MED13L: variants seen among roughly 807,000 people sequenced by gnomAD.
MED13L encodes the protein mediator complex subunit 13L.
Under a neutral mutation model 220.9 loss-of-function variants are expected in MED13L, and 7 were observed. The ratio of observed to expected loss-of-function variants is 0.03; its 90% CI spans 0.02 to 0.06. MED13L has a LOEUF of 0.06. MED13L is among the 10% of genes least tolerant of loss of function. The probability of loss-of-function intolerance (pLI) is 1.00; values close to 1 mark genes in which losing one functional copy is unlikely to be tolerated. For synonymous variants in MED13L, 1,011 were observed against 1,015.2 expected (o/e 1.00, Z 0.08); for missense variants, 1,965 against 2,760.5 (o/e 0.71, Z 6.46).
intron 1 of MED13L, among the ~76,000 whole-genome samples, chr12:116,250,546 C>G (rs1196020187): frequency 1.3e-5 from 2 of 149,616 alleles, no homozygotes; most frequent in Non-Finnish European, 3.0e-5. Context: ...GGTGGATCAC[C>G]TGAGGTCAGG....
chr12:116,129,275 A>T (rs546503266), intron 2 of MED13L, among the ~76,000 whole-genome samples: 2 of 152,324 alleles, frequency 1.3e-5, no homozygotes, highest in African/African-American at 4.8e-5. Context: ...ATTACTAAAA[A>T]TCCCATTTTC....
chr12:116,106,739 G>C (rs1018237389), intron 3 of MED13L, among the ~76,000 whole-genome samples: 1 of 151,904 alleles, frequency 6.6e-6, no homozygotes, highest in Non-Finnish European at 1.5e-5. Context: ...CCAGCTACTG[G>C]GGAGGCTGAG....
intron 4 of MED13L, among the ~76,000 whole-genome samples, chr12:116,075,847 A>G (rs541640823): frequency 7.2e-5 from 11 of 152,212 alleles, no homozygotes; most frequent in East Asian, 3.9e-4. Context: ...GTGTTTCTCA[A>G]TTGCAGTTGT....
rs529077016 is a variant in MED13L at position 116,166,128 on chromosome 12, C to G, written c.311-54616G>C. On this transcript the variant is annotated intron_variant, in intron 2 of 30. Coordinates refer to ENST00000281928, the MANE Select transcript of MED13L (RefSeq NM_015335.5). ...CCTGTAATTCCAGCACCTTGGGAAG[C>G]TGAGGCAGGAGAATCACTTGAGGCC... Among the ~76,000 whole-genome samples the G allele has an allele frequency of 9.5e-4, 144 of 152,338 alleles. 3 individuals are homozygous for G. In the Middle Eastern group the frequency reaches 0.01, roughly 11 times the overall value.
At chr12:116,028,238 T>C (rs1273889644) in intron 4 of MED13L, among the ~76,000 whole-genome samples, 1 of 152,240 alleles carries the variant, frequency 6.6e-6, no homozygotes, top group South Asian at 2.1e-4. Context: ...AGGGGTTCTA[T>C]GAATACAATT....
chr12:116,039,957 G>C (rs1881425247), intron 4 of MED13L, among the ~76,000 whole-genome samples: 1 of 152,160 alleles, frequency 6.6e-6, no homozygotes, highest in South Asian at 2.1e-4. Context: ...CTAGGTGTGA[G>C]TGTGAGAGAC....
At chr12:116,065,991 C>A (rs1869889135) in intron 4 of MED13L, among the ~76,000 whole-genome samples, 1 of 152,164 alleles carries the variant, frequency 6.6e-6, no homozygotes, top group Non-Finnish European at 1.5e-5. Flanking sequence ...TATACAAGCA[C>A]ATAACTGCAG....
intron 2 of MED13L, among the ~76,000 whole-genome samples, chr12:116,123,528 C>T (rs866155469): frequency 1.3e-5 from 2 of 152,212 alleles, no homozygotes; most frequent in African/African-American, 4.8e-5. Context: ...ATATTTCCTT[C>T]CACTCTTCAG....
intron 4 of MED13L, among the ~76,000 whole-genome samples, chr12:116,024,782 G>GC (rs1168575467): frequency 2.0e-5 from 2 of 100,230 alleles, no homozygotes; most frequent in East Asian, 3.8e-4. Flanking sequence ...GCGGGGGGGG[G>GC]GGGGAGGTGA....
chr12:116,173,707 C>A (rs912385071), intron 2 of MED13L, among the ~76,000 whole-genome samples: 2 of 152,000 alleles, frequency 1.3e-5, no homozygotes, highest in African/African-American at 4.8e-5. Context: ...ACATAAGTTG[C>A]CTTAATTTAT....
intron 2 of MED13L, chr12:116,236,876 C>T (rs75755751): frequency 9.1e-6 from 9 of 984,878 alleles, no homozygotes; most frequent in African/African-American, 1.7e-5. Context: ...CAGGCAACAC[C>T]GGAGCCAATG....
At chr12:115,984,811 GA>G (rs1438141365) in intron 19 of MED13L, among the ~76,000 whole-genome samples, 1 of 151,314 alleles carries the variant, frequency 6.6e-6, no homozygotes, top group Admixed American at 6.6e-5. Flanking sequence ...TTCTGTTACA[GA>G]CATTTGGAGA....
intron 2 of MED13L, among the ~76,000 whole-genome samples, chr12:116,215,541 C>G (rs902243824): frequency 1.3e-5 from 2 of 152,116 alleles, no homozygotes; most frequent in Non-Finnish European, 2.9e-5. Flanking sequence ...ATACAAAAAC[C>G]TAAAGTGCTG....
chr12:116,032,228 T>C lies in MED13L; in HGVS notation c.480-9627A>G, dbSNP rs73198013. 5.7e-3 allele frequency among the ~76,000 whole-genome samples: 864 copies of C among 152,322 alleles called. 7 individuals are homozygous for C. The highest frequency in any genetic ancestry group is 6.5e-3 in the Non-Finnish European group (441 of 68,026). ...ATGATCTAAAAATTCCATGTAATTC[T>C]AATCAATAGCCCAAGTTTTTGACAA... On this transcript the variant is annotated intron_variant, in intron 4 of 30. Coordinates refer to ENST00000281928, the MANE Select transcript of MED13L (RefSeq NM_015335.5).
intron 19 of MED13L, among the ~76,000 whole-genome samples, chr12:115,985,977 T>C (rs1405903210): frequency 1.3e-5 from 2 of 152,218 alleles, no homozygotes; most frequent in Non-Finnish European, 2.9e-5. Context: ...TGGTGAGCAA[T>C]ATTCTTCAAC....
At chr12:116,014,874 C>A (rs530104346) in intron 8 of MED13L, among the ~76,000 whole-genome samples, 1 of 152,186 alleles carries the variant, frequency 6.6e-6, no homozygotes. Flanking sequence ...CCATGCCAAT[C>A]TGTACAGTAT....
rs374839219 is a variant in MED13L at position 115,991,576 on chromosome 12, T to C, written c.3378A>G (p.Arg1126=). 1.9e-6 allele frequency: 3 copies of C among 1,614,056 alleles called. No individual in the cohort carries two copies. The African/African-American group carries it at 4.0e-5, about 22-fold the overall frequency. The change falls in exon 17 of 31, where the codon AGA becomes AGG. Residue 1126 remains arginine (R), a synonymous_variant. Coordinates refer to ENST00000281928, the MANE Select transcript of MED13L (RefSeq NM_015335.5). This position sits in a 1 kb window ranked among gnomAD's most constrained non-coding sequence, Gnocchi z 7.7. ...CACAGATGCAACAGCTGTCAAAGTT[T>C]CTGTCTTTAAAGATATTCATCACGG... ...SDSVMNIFKD[R]NFDSCCICAC... is the part of the protein sequence containing the mutation.
At chr12:116,065,714 A>G (rs1026438173) in intron 4 of MED13L, among the ~76,000 whole-genome samples, 1 of 152,326 alleles carries the variant, frequency 6.6e-6, no homozygotes, top group South Asian at 2.1e-4. Flanking sequence ...GGAAAAGTCA[A>G]AGAAGTCTTC....
At chr12:116,263,634 G>A (rs1872648326) in intron 1 of MED13L, among the ~76,000 whole-genome samples, 1 of 152,194 alleles carries the variant, frequency 6.6e-6, no homozygotes, top group African/African-American at 2.4e-5. Flanking sequence ...TCAAAGGTAA[G>A]AAGTTGGATA....
Sources: allele counts gnomAD v4.1 joint callset (sites outside exome capture counted in the v4.1 genomes callset), GRCh38; gene constraint gnomAD v4.1.1; non-coding constraint Gnocchi (gnomAD v3.1); transcripts MANE v1.5; gene names NCBI Gene and HGNC (gene_info 2026-07-23, HGNC 2026-07-21).